RBBP9: variants seen among roughly 807,000 people sequenced by gnomAD.
The protein encoded by RBBP9 is serine hydrolase RBBP9.
In RBBP9, 20 loss-of-function variants were observed where a neutral mutation model predicts 24.2. The observed-to-expected ratio is 0.83, with a 90% CI of 0.58 to 1.20. The LOEUF (loss-of-function observed/expected upper bound fraction) is 1.20, where lower values mean the gene tolerates loss of function less well. Among genes scored for constraint, RBBP9 ranks in the 50% most tolerant of loss-of-function variants. The probability of loss-of-function intolerance (pLI) is 0.00; values close to 1 mark genes in which losing one functional copy is unlikely to be tolerated. For missense variants in RBBP9, 234 were observed against 233.6 expected (o/e 1.00, Z -0.01); for synonymous variants, 74 against 84.6 (o/e 0.87, Z 0.69).
chr20:18,496,957 A>C (rs1600215319), intron 1 of RBBP9, 112 bp downstream of exon 1: 5 of 840,852 alleles, frequency 5.9e-6, no homozygotes, highest in Admixed American at 4.5e-5. Context: ...AGGAAAACAC[A>C]CAGGGCTTTG....
chr20:18,489,685 C>T lies in RBBP9; in HGVS notation c.*79G>A. 1.1e-6 allele frequency: 1 copy of T among 928,694 alleles called. No individual in the cohort carries two copies. Among genetic ancestry groups the T allele is most frequent in the Middle Eastern group, 3.4e-4 (1 of 2,920 alleles). The allele number at this position is 928,694 out of a possible 1,614,324, so 57.5% of individuals were successfully genotyped here. A position where few individuals can be genotyped will look rare whatever the true frequency, so the allele number is the denominator to read the frequency against. ...CACTTACGGAACTTAACTGGATGTT[C>T]TATGTGTCTAGTAATCAGCTGATAG... is the stretch of plus-strand genomic sequence containing the variant. On this transcript the variant is annotated 3_prime_UTR_variant, in exon 5 of 5. Transcript: ENST00000337227.
At position 18,493,545 on chromosome 20, in the gene RBBP9, G is replaced by A. The variant is rs1193239870; in HGVS notation, c.248+413C>T. 4.6e-5 allele frequency among the ~76,000 whole-genome samples: 7 copies of A among 152,176 alleles called. No homozygotes were observed. The South Asian group carries it at 1.5e-3, about 32-fold the overall frequency. On this transcript the variant is annotated intron_variant, in intron 3 of 4. Transcript: ENST00000337227. The stretch of plus-strand genomic sequence containing the variant: ...GACATTTGAGCAGACACTTCAAGGG[G>A]AATAGAAAGCCATGCAGTGTCTAGG...
At position 18,493,954 on chromosome 20, in the gene RBBP9, G is replaced by A. The variant is rs760169788; in HGVS notation, c.248+4C>T. On this transcript the variant is annotated splice_donor_region_variant and intron_variant, in intron 3 of 4. Transcript: ENST00000337227. ...AGGGGATAGCAGTTTAACAAAGATC[G>A]CACCTCATGGCCGCGATGGCCCCAG... 4.6e-5 allele frequency: 74 copies of A among 1,600,326 alleles called. No homozygotes were observed. Among genetic ancestry groups the A allele is most frequent in the Non-Finnish European group, 5.6e-5 (66 of 1,174,492 alleles).
At position 18,489,714 on chromosome 20, in the gene RBBP9, A is replaced by AT. The variant is rs1316360244; in HGVS notation, c.*49dup. On this transcript the variant is annotated 3_prime_UTR_variant, in exon 5 of 5. Transcript: ENST00000337227. Reference sequence around the variant, plus strand: ...GTGTCTAGTAATCAGCTGATAGTAGATATTATTCTACTCCTATATTGGGAT... The same window carrying AT: ...GTGTCTAGTAATCAGCTGATAGTAGATTATTATTCTACTCCTATATTGGGAT... 1.6e-6 allele frequency: 2 copies of AT among 1,238,824 alleles called. No individual in the cohort carries two copies. Among genetic ancestry groups the AT allele is most frequent in the South Asian group, 2.5e-5 (2 of 78,732 alleles). 76.7% of individuals were successfully genotyped at this position (1,238,824 alleles called of 1,614,324 possible).
intron 1 of RBBP9, 115 bp downstream of exon 1, chr20:18,496,954 C>A: frequency 2.4e-6 from 2 of 817,982 alleles, no homozygotes; most frequent in East Asian, 2.7e-5. Flanking sequence ...GGCAGGAAAA[C>A]ACACAGGGCT....
Position 18,490,427 on chromosome 20 carries a change from G to C in RBBP9, c.302C>G (p.Ser101Ter), listed in dbSNP as rs2059860934. Residue 101 changes from serine (S) to a stop codon, truncating the protein, a stop_gained, in exon 4 of 5, where the codon TCA becomes TGA. Coordinates refer to ENST00000337227, the MANE Select transcript of RBBP9 (RefSeq NM_006606.3). LOFTEE classifies it high-confidence loss of function. ...YAIVLVSAYT[S>*]DLGDENERAS... ...ACGCTCATTTTCATCCCCCAAGTCT[G>C]ATGTGTACGCAGACACTAATACAAT... is the stretch of plus-strand genomic sequence containing the variant. 1 of 1,613,900 alleles carries C rather than the reference G, an allele frequency of 6.2e-7. No individual in the cohort carries two copies. The highest frequency in any genetic ancestry group is 8.5e-7 in the Non-Finnish European group (1 of 1,179,848).
intron 1 of RBBP9, among the ~76,000 whole-genome samples, chr20:18,496,793 T>TA (rs1455649390): frequency 1.3e-5 from 2 of 152,152 alleles, no homozygotes; most frequent in Non-Finnish European, 2.9e-5. Context: ...CAGCAGCAGA[T>TA]ACGGGGGGCG....
At chr20:18,494,777 C>T (rs921867913) in intron 2 of RBBP9, among the ~76,000 whole-genome samples, 3 of 152,058 alleles carry the variant, frequency 2.0e-5, no homozygotes, top group African/African-American at 7.2e-5. Context: ...TAGGCATACC[C>T]AGAACAAAAG....
At position 18,494,028 on chromosome 20, in the gene RBBP9, C is replaced by T; in HGVS notation, c.178G>A (p.Glu60Lys). The change falls in exon 3 of 5, where the codon GAG becomes AAG. Residue 60 changes from glutamate to lysine, a missense_variant. Physicochemically the swap from Glu to Lys is moderately conservative, Grantham distance 56. Coordinates refer to ENST00000337227, the MANE Select transcript of RBBP9 (RefSeq NM_006606.3). ...TTCTCATCACAGTGCAGCTCTGTCTCCATGAAGGGCAGCCAGATGCTCTCT... is the reference window on the plus strand; with the variant it reads ...TTCTCATCACAGTGCAGCTCTGTCTTCATGAAGGGCAGCCAGATGCTCTCT... The part of the protein sequence containing the change: ...ARESIWLPFM[E>K]TELHCDEKTI... The T allele has an allele frequency of 1.2e-6, 2 of 1,613,784 alleles. No homozygotes were observed. The highest frequency in any genetic ancestry group is 8.5e-7 in the Non-Finnish European group (1 of 1,179,922).
chr20:18,495,661 AAG>A (rs1435631710), intron 2 of RBBP9, among the ~76,000 whole-genome samples, 175 bp downstream of exon 2: 11 of 150,818 alleles, frequency 7.3e-5, no homozygotes, highest in Non-Finnish European at 1.3e-4. Flanking sequence ...AAAAAAAAAA[AAG>A]AATTTTCTAT....
Position 18,490,422 on chromosome 20 carries a change from A to G in RBBP9, c.307T>C (p.Leu103=). 6.2e-7 allele frequency: 1 copy of G among 1,613,932 alleles called. No homozygotes were observed. The highest frequency in any genetic ancestry group is 8.5e-7 in the Non-Finnish European group (1 of 1,179,834). ...CTTGCACGCTCATTTTCATCCCCCA[A>G]GTCTGATGTGTACGCAGACACTAAT... ...IVLVSAYTSD[L]GDENERASGY... The change falls in exon 4 of 5, where the codon TTG becomes CTG. Residue 103 remains leucine (L), a synonymous_variant. Transcript: ENST00000337227.
Position 18,490,458 on chromosome 20 carries a change from A to C in RBBP9, c.271T>G (p.Tyr91Asp). ...TACGCAGACACTAATACAATAGCAT[A>C]TACTCGATGTGTTTCTGCATACCTG... ...AMRYAETHRV[Y>D]AIVLVSAYTS... The change falls in exon 4 of 5, where the codon TAT becomes GAT. Residue 91 changes from tyrosine (Y) to aspartate (D), a missense_variant. By Grantham distance (160) the Tyr-to-Asp change is radical. Coordinates refer to ENST00000337227, the MANE Select transcript of RBBP9 (RefSeq NM_006606.3). The C allele has an allele frequency of 6.2e-7, 1 of 1,613,344 alleles. No homozygotes were observed. Among genetic ancestry groups the C allele is most frequent in the Non-Finnish European group, 8.5e-7 (1 of 1,179,420 alleles).
At chr20:18,492,406 G>C (rs2059869599) in intron 3 of RBBP9, among the ~76,000 whole-genome samples, 1 of 152,006 alleles carries the variant, frequency 6.6e-6, no homozygotes, top group African/African-American at 2.4e-5. Context: ...CATTGTTTAA[G>C]AGTGTAGGCC....
At chr20:18,492,626 G>A (rs143336193) in intron 3 of RBBP9, among the ~76,000 whole-genome samples, 3,987 of 152,240 alleles carry the variant, frequency 0.026, 72 homozygotes, top group Non-Finnish European at 0.04. Flanking sequence ...CCATTGGAAA[G>A]GCACGATTTC....
At chr20:18,495,732 A>G (rs1182060134) in intron 2 of RBBP9, 106 bp downstream of exon 2, 9 of 1,057,836 alleles carry the variant, frequency 8.5e-6, no homozygotes, top group East Asian at 7.5e-5. Context: ...TTAGGTATAT[A>G]GGCATCTTTG....
chr20:18,495,783 G>A (rs989577614), intron 2 of RBBP9, 55 bp downstream of exon 2: 1 of 1,485,090 alleles, frequency 6.7e-7, no homozygotes, highest in Non-Finnish European at 9.4e-7. Flanking sequence ...CCACAAAAAT[G>A]GTAATATCAA....
chr20:18,493,527 G>A (rs1478576873), intron 3 of RBBP9, among the ~76,000 whole-genome samples: 4 of 152,192 alleles, frequency 2.6e-5, no homozygotes, highest in Non-Finnish European at 5.9e-5. Context: ...GGGGACATTT[G>A]AGCAGACACT....
chr20:18,491,275 T>A (rs1019316943), intron 3 of RBBP9, among the ~76,000 whole-genome samples: 3 of 152,236 alleles, frequency 2.0e-5, no homozygotes, highest in Non-Finnish European at 4.4e-5. Context: ...ACACTCCACA[T>A]TGCCTTATAT....
intron 1 of RBBP9, 144 bp downstream of exon 1, chr20:18,496,925 G>A: frequency 1.5e-6 from 1 of 668,956 alleles, no homozygotes; most frequent in Non-Finnish European, 2.6e-6. Flanking sequence ...CAGACTTTAA[G>A]AGAAGGCAGC....
Sources: gnomAD v4.1 joint callset for allele counts (sites outside exome capture counted in the v4.1 genomes callset) on GRCh38, gnomAD v4.1.1 for gene constraint, MANE v1.5 for transcripts, NCBI Gene and HGNC (gene_info 2026-07-23, HGNC 2026-07-21) for gene names.